The following CCBE1 variants were observed in gnomAD, a reference collection of about 807,000 sequenced individuals.
CCBE1 encodes the protein collagen and calcium-binding EGF domain-containing protein 1.
A neutral mutation model predicts 50.0 loss-of-function variants in CCBE1; 37 were observed. That is an observed-to-expected ratio of 0.74 (90% CI 0.57 to 0.97). The LOEUF (loss-of-function observed/expected upper bound fraction) is 0.97. Ranked by LOEUF, CCBE1 falls within the 50% of genes least tolerant of loss-of-function variation. CCBE1 has a pLI of 0.00. For missense variants in CCBE1, 538 were observed against 523.8 expected, an observed-to-expected ratio of 1.03 and a Z score of -0.26; for synonymous variants, 234 against 203.7, an observed-to-expected ratio of 1.15 and a Z score of -1.27.
chr18:59,527,157 G>A (rs553223775), intron 2 of CCBE1, among the ~76,000 whole-genome samples: 1 of 152,286 alleles, frequency 6.6e-6, no homozygotes, highest in South Asian at 2.1e-4. Context: ...AGTTCTCTAA[G>A]AACTTGTTTT....
chr18:59,639,344 T>C (rs1445710565), intron 2 of CCBE1, among the ~76,000 whole-genome samples: 3 of 152,186 alleles, frequency 2.0e-5, no homozygotes, highest in Non-Finnish European at 4.4e-5. Flanking sequence ...ATTCAACATA[T>C]GTTAATCAAG....
chr18:59,444,167 T>G (rs771951522), intron 7 of CCBE1, among the ~76,000 whole-genome samples: 1 of 152,240 alleles, frequency 6.6e-6, no homozygotes, highest in African/African-American at 2.4e-5. Flanking sequence ...TTATATCCAT[T>G]GATGGACACT....
intron 2 of CCBE1, among the ~76,000 whole-genome samples, chr18:59,643,032 C>T (rs1188853314): frequency 6.6e-6 from 1 of 150,990 alleles, no homozygotes; most frequent in African/African-American, 2.4e-5. Context: ...ATGTTCTAGG[C>T]AAATGGTTGT....
intron 2 of CCBE1, among the ~76,000 whole-genome samples, chr18:59,676,031 G>A (rs920618805): frequency 1.3e-5 from 2 of 152,194 alleles, no homozygotes; most frequent in African/African-American, 4.8e-5. Flanking sequence ...GGCAAAAACA[G>A]CAAGAACTAT....
chr18:59,543,847 A>AAAAAAAAAG lies in CCBE1; in HGVS notation c.213-63610_213-63609insCTTTTTTTT, dbSNP rs1555690357. Among the ~76,000 whole-genome samples the AAAAAAAAAG allele has an allele frequency of 0.01, 785 of 78,478 alleles. 18 individuals are homozygous for AAAAAAAAAG. The East Asian group carries it at 0.11, about 11-fold the overall frequency. 51.5% of individuals were successfully genotyped at this position (78,478 alleles called of 152,430 possible). A position where few individuals can be genotyped will look rare whatever the true frequency, so the allele number is the denominator to read the frequency against. ...GAGACTCCGTCTCAAAAAAAAAAAAAAAAAAAAAAAACAGAAAACACTAAT... is the reference window on the plus strand; with the variant it reads ...GAGACTCCGTCTCAAAAAAAAAAAAAAAAAAAAAGAAAAAAAAAAACAGAAAACACTAAT... On this transcript the variant is annotated intron_variant, in intron 2 of 10. Transcript: ENST00000439986.
intron 2 of CCBE1, chr18:59,685,965 A>T (rs911372631): frequency 2.0e-4 from 31 of 152,118 alleles, no homozygotes; most frequent in African/African-American, 7.5e-4. Context: ...AATAGTTTCT[A>T]ATCTCCCCAA....
chr18:59,483,731 C>T (rs1912684437), intron 2 of CCBE1, among the ~76,000 whole-genome samples: 1 of 152,182 alleles, frequency 6.6e-6, no homozygotes, highest in Admixed American at 6.5e-5. Context: ...CTCCCTGTAA[C>T]ATTTCTCACA....
At chr18:59,495,540 T>C (rs1269168194) in intron 2 of CCBE1, among the ~76,000 whole-genome samples, 2 of 152,064 alleles carry the variant, frequency 1.3e-5, no homozygotes, top group East Asian at 3.9e-4. Flanking sequence ...TTCTTTACTG[T>C]GCCCAGTTAG....
Position 59,672,048 on chromosome 18 carries a change from G to A in CCBE1, c.212+24581C>T, listed in dbSNP as rs138753671. Among the ~76,000 whole-genome samples, 143 of 152,278 alleles carry A rather than the reference G, an allele frequency of 9.4e-4. 2 individuals are homozygous for A. In the South Asian group the frequency reaches 0.02, roughly 21 times the overall value. On this transcript the variant is annotated intron_variant, in intron 2 of 10. Transcript: ENST00000439986. ...ACTGTCCATTCACATAGAATTCTAT[G>A]TGCATTAACATAGGTACAATCAGAG...
chr18:59,640,414 T>C lies in CCBE1; in HGVS notation c.212+56215A>G, dbSNP rs574295178. 3.3e-5 allele frequency among the ~76,000 whole-genome samples: 5 copies of C among 152,276 alleles called. No homozygotes were observed. In the South Asian group the frequency reaches 1.0e-3, roughly 32 times the overall value. On this transcript the variant is annotated intron_variant, in intron 2 of 10. Coordinates refer to ENST00000439986, the MANE Select transcript of CCBE1 (RefSeq NM_133459.4). The stretch of plus-strand genomic sequence containing the variant: ...CCCTATTCAATAAATGGTCCTGGGA[T>C]AGCTGGCTAGCCATATGCAGAAGAC...
At chr18:59,574,889 G>T (rs2052970236) in intron 2 of CCBE1, among the ~76,000 whole-genome samples, 1 of 152,176 alleles carries the variant, frequency 6.6e-6, no homozygotes, top group Non-Finnish European at 1.5e-5. Context: ...CAGGACTTCA[G>T]AATGTGAGGT....
chr18:59,525,732 A>T (rs184361748), intron 2 of CCBE1, among the ~76,000 whole-genome samples: 128 of 152,310 alleles, frequency 8.4e-4, no homozygotes, highest in Admixed American at 2.2e-3. Context: ...TGGGGTTTAC[A>T]TTTAACTCTT....
At chr18:59,441,421 T>A (rs559270275) in intron 7 of CCBE1, among the ~76,000 whole-genome samples, 12 of 151,026 alleles carry the variant, frequency 7.9e-5, no homozygotes, top group African/African-American at 2.7e-4. Flanking sequence ...GAAGCGGCGG[T>A]TGCAGTGAGC....
At chr18:59,697,180 G>A (rs1396826688) in intron 1 of CCBE1, 32 bp downstream of exon 1, 1 of 1,547,606 alleles carries the variant, frequency 6.5e-7, no homozygotes. Flanking sequence ...TCAAGCAGGA[G>A]CTCGCCCTCC....
At chr18:59,531,449 T>C (rs1215821695) in intron 2 of CCBE1, among the ~76,000 whole-genome samples, 1 of 152,022 alleles carries the variant, frequency 6.6e-6, no homozygotes, top group Non-Finnish European at 1.5e-5. Flanking sequence ...CCAAAAAAAA[T>C]TTTGTCCCCA....
rs1327332652 is a variant in CCBE1 at position 59,433,962 on chromosome 18, C to T, written c.*1946G>A. The stretch of plus-strand genomic sequence containing the variant: ...TGTTGCCTAGGCTGGAGTGCAGTAG[C>T]GCAATCTAGGCTCCCCCCGCAGGTT... On this transcript the variant is annotated 3_prime_UTR_variant, in exon 11 of 11. Transcript: ENST00000439986. 3.8e-5 allele frequency: 5 copies of T among 133,282 alleles called. No homozygotes were observed. Among genetic ancestry groups the T allele is most frequent in the South Asian group, 2.7e-4 (1 of 3,750 alleles). 8.3% of individuals were successfully genotyped at this position (133,282 alleles called of 1,614,324 possible).
At chr18:59,690,830 C>T (rs1272740765) in intron 2 of CCBE1, among the ~76,000 whole-genome samples, 1 of 152,252 alleles carries the variant, frequency 6.6e-6, no homozygotes, top group African/African-American at 2.4e-5. Context: ...AACCTTGATC[C>T]TCTACTCCAA....
intron 2 of CCBE1, among the ~76,000 whole-genome samples, chr18:59,523,633 G>T (rs886889728): frequency 6.6e-6 from 1 of 152,110 alleles, no homozygotes; most frequent in Non-Finnish European, 1.5e-5. Context: ...GCACTTGATT[G>T]TCAAGGTTAT....
At chr18:59,562,846 C>T (rs1028960517) in intron 2 of CCBE1, among the ~76,000 whole-genome samples, 7 of 152,092 alleles carry the variant, frequency 4.6e-5, no homozygotes, top group African/African-American at 1.7e-4. Flanking sequence ...TCTCTATGTC[C>T]TCTGTGCCAT....
Sources: allele counts gnomAD v4.1 joint callset (sites outside exome capture counted in the v4.1 genomes callset), GRCh38; gene constraint gnomAD v4.1.1; transcripts MANE v1.5; gene names NCBI Gene and HGNC (gene_info 2026-07-23, HGNC 2026-07-21).